AOX1: variants seen among roughly 807,000 people sequenced by gnomAD.
The protein encoded by AOX1 is aldehyde oxidase.
AOX1 carries 153 observed loss-of-function variants against 169.5 expected under a neutral mutation model. The observed-to-expected ratio is 0.90, with a 90% CI of 0.79 to 1.03. The LOEUF (loss-of-function observed/expected upper bound fraction) is 1.03. Ranked by LOEUF, AOX1 falls within the 50% of genes least tolerant of loss-of-function variation. The pLI is 0.00. For missense variants in AOX1, 1,656 were observed against 1,663.9 expected (o/e 1.00, Z 0.08); for synonymous variants, 562 against 581.9 (o/e 0.97, Z 0.49).
chr2:200,618,731 A>G (rs1306914106), intron 16 of AOX1, among the ~76,000 whole-genome samples: 2 of 152,180 alleles, frequency 1.3e-5, no homozygotes, highest in Admixed American at 1.3e-4. Context: ...TTCCTGGAGC[A>G]GCAGAGGGCA....
chr2:200,622,935 C>T (rs111665144), intron 18 of AOX1, among the ~76,000 whole-genome samples: 32 of 152,290 alleles, frequency 2.1e-4, no homozygotes, highest in Middle Eastern at 3.4e-3. Flanking sequence ...GTTATCAACA[C>T]GTTACCATTC....
intron 31 of AOX1, among the ~76,000 whole-genome samples, chr2:200,665,850 A>G (rs2035915895): frequency 1.3e-5 from 2 of 152,248 alleles, no homozygotes; most frequent in South Asian, 4.1e-4. Context: ...ACTGATGTCA[A>G]AGAGGACTTT....
chr2:200,627,038 A>C (rs914834506), intron 19 of AOX1, among the ~76,000 whole-genome samples: 1 of 152,274 alleles, frequency 6.6e-6, no homozygotes, highest in African/African-American at 2.4e-5. Flanking sequence ...CCTTGGCTAC[A>C]TGAAATGGAT....
At chr2:200,636,868 G>C in intron 21 of AOX1, 43 bp from the exon 22 acceptor site, 1 of 1,588,062 alleles carries the variant, frequency 6.3e-7, no homozygotes, top group Non-Finnish European at 8.6e-7. Context: ...TTAAGTCCTT[G>C]CTGAAGATGG....
chr2:200,675,203 C>A (rs547099199), downstream of AOX1, among the ~76,000 whole-genome samples: 20 of 152,308 alleles, frequency 1.3e-4, no homozygotes, highest in African/African-American at 4.8e-4. Flanking sequence ...GATGTTATGT[C>A]CCCAGTGGGT....
intron 3 of AOX1, 44 bp from the exon 4 acceptor site, chr2:200,597,353 T>C (rs779992945): frequency 6.9e-7 from 1 of 1,446,510 alleles, no homozygotes; most frequent in Non-Finnish European, 9.5e-7. Context: ...TCCCACTGTA[T>C]GCGACATAAT....
chr2:200,646,243 A>AT (rs2035450859), intron 25 of AOX1, among the ~76,000 whole-genome samples: 1 of 152,030 alleles, frequency 6.6e-6, no homozygotes, highest in Admixed American at 6.6e-5. Context: ...TATCCCAGAG[A>AT]TTTTGACAGG....
At chr2:200,663,777 GA>G (rs138719967) in intron 31 of AOX1, among the ~76,000 whole-genome samples, 1,588 of 152,288 alleles carry the variant, frequency 0.01, 33 homozygotes, top group African/African-American at 0.036. Context: ...CCAGTTTAGT[GA>G]TAATCTCTTC....
At position 200,637,013 on chromosome 2, in the gene AOX1, A is replaced by G; in HGVS notation, c.2449A>G (p.Ile817Val). Residue 817 changes from isoleucine to valine, a missense_variant, in exon 22 of 35, where the codon ATT becomes GTT. Physicochemically the swap from Ile to Val is conservative, Grantham distance 29 (BLOSUM62 3). Transcript: ENST00000374700. Reference sequence around the variant, plus strand: ...AGGGAAGGTGTTAAAAACCGGAATCATTGCAGCCGTCACTGCATTTGCCGC... The same window carrying G: ...AGGGAAGGTGTTAAAAACCGGAATCGTTGCAGCCGTCACTGCATTTGCCGC... ...FGGKVLKTGI[I>V]AAVTAFAANK... 7 of 1,614,170 alleles carry G rather than the reference A, an allele frequency of 4.3e-6. No homozygotes were observed. The highest frequency in any genetic ancestry group is 5.9e-6 in the Non-Finnish European group (7 of 1,180,006).
At chr2:200,656,555 A>G (rs1416297940) in intron 26 of AOX1, among the ~76,000 whole-genome samples, 1 of 152,188 alleles carries the variant, frequency 6.6e-6, no homozygotes, top group East Asian at 1.9e-4. Flanking sequence ...GATTATAAGA[A>G]AATGGATTTC....
rs3038607 is a variant in AOX1, at chr2:200,605,510, ATTTTT to A, written c.815-15_815-11del. On this transcript the variant is annotated intron_variant, in intron 9 of 34. Coordinates refer to ENST00000374700, the MANE Select transcript of AOX1 (RefSeq NM_001159.4). ...TAGTTCCTTTATTCTAGTCTTATTGATTTTTTTTTTTTTTTGATCCTTTAGGGCCT... is the reference window on the plus strand; with the variant it reads ...TAGTTCCTTTATTCTAGTCTTATTGATTTTTTTTTTGATCCTTTAGGGCCT... The A allele has an allele frequency of 8.4e-3, 10,004 of 1,192,328 alleles. 30 individuals are homozygous for A. Among genetic ancestry groups the A allele is most frequent in the African/African-American group, 0.029 (1,812 of 63,132 alleles). The allele number at this position is 1,192,328 out of a possible 1,614,324, so 73.9% of individuals were successfully genotyped here.
At chr2:200,640,198 G>A (rs1023190498) in intron 23 of AOX1, among the ~76,000 whole-genome samples, 3 of 152,128 alleles carry the variant, frequency 2.0e-5, no homozygotes, top group African/African-American at 2.4e-5. Flanking sequence ...CTGGAAGGTA[G>A]TAAAAAATAG....
chr2:200,635,403 A>G (rs2035209831), intron 21 of AOX1, among the ~76,000 whole-genome samples: 1 of 152,222 alleles, frequency 6.6e-6, no homozygotes, highest in South Asian at 2.1e-4. Context: ...GGAAACAGTT[A>G]AGAAACAATA....
intron 1 of AOX1, among the ~76,000 whole-genome samples, chr2:200,592,793 C>A (rs2106365149): frequency 6.6e-6 from 1 of 152,244 alleles, no homozygotes; most frequent in Admixed American, 6.5e-5. Flanking sequence ...TTTCTTATTT[C>A]ATCCACTCCT....
intron 1 of AOX1, 81 bp downstream of exon 1, chr2:200,586,234 C>T (rs1559226364): frequency 1.4e-5 from 20 of 1,398,888 alleles, no homozygotes; most frequent in Non-Finnish European, 1.7e-5. Flanking sequence ...TTCGTCCCAT[C>T]CTTTCGTGCC....
At chr2:200,613,168 T>A (rs1346312437) in intron 14 of AOX1, among the ~76,000 whole-genome samples, 2 of 152,148 alleles carry the variant, frequency 1.3e-5, no homozygotes, top group African/African-American at 4.8e-5. Context: ...TTAAAGGCAT[T>A]TGCTTACCTG....
chr2:200,609,407 A>G lies in AOX1; in HGVS notation c.1146A>G (p.Leu382=). The G allele has an allele frequency of 1.2e-6, 2 of 1,613,660 alleles. No homozygotes were observed. Among genetic ancestry groups the G allele is most frequent in the Non-Finnish European group, 1.7e-6 (2 of 1,179,618 alleles). The change falls in exon 12 of 35, where the codon CTA becomes CTG. Residue 382 remains leucine (L), a synonymous_variant. Transcript: ENST00000374700. The part of the protein sequence containing the change: ...LAVGNCTLNL[L]SKEGKRQIPL... ...TGGGTAACTGTACCCTCAACTTGCT[A>G]TCAAAAGGTAAGTGACAGCCCCTAC...
chr2:200,658,361 C>T (rs995591035), intron 27 of AOX1, among the ~76,000 whole-genome samples: 13 of 152,198 alleles, frequency 8.5e-5, no homozygotes, highest in African/African-American at 3.1e-4. Context: ...CATATTTTCT[C>T]TCAGTCACTT....
chr2:200,657,190 A>ATATATATATATTTTTTTT, intron 27 of AOX1, among the ~76,000 whole-genome samples: 65 of 62,858 alleles, frequency 1.0e-3, no homozygotes, highest in African/African-American at 1.4e-3. Context: ...ATATATATAT[A>ATATATATATATTTTTTTT]TTTTTTTTTT....
Sources: allele counts gnomAD v4.1 joint callset (sites outside exome capture counted in the v4.1 genomes callset), GRCh38; gene constraint gnomAD v4.1.1; transcripts MANE v1.5; gene names NCBI Gene and HGNC (gene_info 2026-07-23, HGNC 2026-07-21).